The following CACNG6 variants were observed in gnomAD, a reference collection of about 807,000 sequenced individuals.
The protein encoded by CACNG6 is calcium voltage-gated channel auxiliary subunit gamma 6.
CACNG6 carries 21 observed loss-of-function variants against 23.9 expected under a neutral mutation model. The observed-to-expected ratio is 0.88, with a 90% CI of 0.62 to 1.26. The LOEUF (loss-of-function observed/expected upper bound fraction) is 1.26, where lower values mean the gene tolerates loss of function less well. Ranked by LOEUF, CACNG6 falls within the 50% of genes most tolerant of loss-of-function variation. The pLI, the probability that CACNG6 is intolerant of heterozygous loss-of-function variation, is 0.00. For missense variants in CACNG6, 340 were observed against 352.9 expected (o/e 0.96, Z 0.29); for synonymous variants, 182 against 168.9 (o/e 1.08, Z -0.60).
At chr19:54,011,227 T>TATATACAC (rs1442985544) in intron 3 of CACNG6, among the ~76,000 whole-genome samples, 2 of 95,286 alleles carry the variant, frequency 2.1e-5, no homozygotes, top group African/African-American at 1.2e-4. Flanking sequence ...TATATATATA[T>TATATACAC]ACACACACAC....
At chr19:54,003,580 C>T (rs769266314) in intron 3 of CACNG6, among the ~76,000 whole-genome samples, 2 of 151,974 alleles carry the variant, frequency 1.3e-5, no homozygotes, top group Non-Finnish European at 2.9e-5. Context: ...AGGCTGGTCT[C>T]GAACTCCTGA....
chr19:54,009,875 G>A (rs1451884547), intron 3 of CACNG6, among the ~76,000 whole-genome samples: 1 of 149,716 alleles, frequency 6.7e-6, no homozygotes, highest in Non-Finnish European at 1.5e-5. Context: ...GCAGTGAGCC[G>A]AGATTGCCAC....
intron 3 of CACNG6, among the ~76,000 whole-genome samples, chr19:54,005,263 A>G (rs287139): frequency 5.4e-5 from 8 of 147,154 alleles, no homozygotes; most frequent in East Asian, 2.0e-4. Context: ...TAATAAAAGA[A>G]AGAGCACGTG....
intron 3 of CACNG6, among the ~76,000 whole-genome samples, chr19:54,006,207 CTGCT>C (rs1271950074): frequency 2.0e-5 from 3 of 151,988 alleles, no homozygotes; most frequent in Non-Finnish European, 2.9e-5. Context: ...CTGAAATTCT[CTGCT>C]TATTTATGCC....
rs1212993760 is a variant in CACNG6, at chr19:54,010,952, T to G, written c.545-999T>G. 2.6e-5 allele frequency among the ~76,000 whole-genome samples: 4 copies of G among 151,798 alleles called. No individual in the cohort carries two copies. In the Admixed American group the frequency reaches 2.6e-4, roughly 10 times the overall value. ...GGAAACAGAAGGATGGTTTGATGCA[T>G]GTAAACAATGCATAATGATCAGATC... On this transcript the variant is annotated intron_variant, in intron 3 of 3. Transcript: ENST00000252729.
chr19:53,996,025 T>G (rs1490130841), intron 1 of CACNG6, among the ~76,000 whole-genome samples: 1 of 152,158 alleles, frequency 6.6e-6, no homozygotes, highest in African/African-American at 2.4e-5. Context: ...TGGCCGGACA[T>G]CTCACCCCTT....
intron 3 of CACNG6, among the ~76,000 whole-genome samples, chr19:54,009,957 A>C (rs754727146): frequency 6.6e-6 from 1 of 151,736 alleles, no homozygotes; most frequent in Non-Finnish European, 1.5e-5. Flanking sequence ...ATTGCATTGC[A>C]ATATGACTTT....
chr19:53,993,946 A>G (rs1600052530), intron 1 of CACNG6, among the ~76,000 whole-genome samples: 1 of 151,748 alleles, frequency 6.6e-6, no homozygotes, highest in East Asian at 1.9e-4. Flanking sequence ...GTGTCCCCAG[A>G]CCCAGCCTGT....
intron 3 of CACNG6, among the ~76,000 whole-genome samples, chr19:54,011,205 A>AAAAT (rs58054808): frequency 2.0e-5 from 2 of 102,544 alleles, no homozygotes; most frequent in South Asian, 2.9e-4. Flanking sequence ...AAAAAAAAAA[A>AAAAT]ATATATATAT....
In CACNG6 at chr19:54,012,244, G is replaced by A; in HGVS notation, c.*55G>A. On this transcript the variant is annotated 3_prime_UTR_variant, in exon 4 of 4. Coordinates refer to ENST00000252729, the MANE Select transcript of CACNG6 (RefSeq NM_145814.2). ...ACCGAGCCCTTTGACCTTCTCCATT[G>A]TACCCCCAAGATCTTTTTGCCCCAT... 1 of 773,492 alleles carries A rather than the reference G, an allele frequency of 1.3e-6. No individual in the cohort carries two copies. The highest frequency in any genetic ancestry group is 1.9e-6 in the Non-Finnish European group (1 of 519,830). 47.9% of individuals were successfully genotyped at this position (773,492 alleles called of 1,614,324 possible). A position where few individuals can be genotyped will look rare whatever the true frequency, so the allele number is the denominator to read the frequency against.
At chr19:53,995,610 A>G (rs943935268) in intron 1 of CACNG6, among the ~76,000 whole-genome samples, 2 of 152,198 alleles carry the variant, frequency 1.3e-5, no homozygotes, top group Non-Finnish European at 2.9e-5. Flanking sequence ...GTTTCCCGCA[A>G]TGACTGCTTC....
intron 1 of CACNG6, among the ~76,000 whole-genome samples, chr19:53,995,955 C>T (rs1468295974): frequency 6.6e-6 from 1 of 152,204 alleles, no homozygotes; most frequent in East Asian, 1.9e-4. Context: ...AGCCACCACG[C>T]GCAGCCCAGC....
At chr19:54,005,263 A>AAG (rs74177838) in intron 3 of CACNG6, among the ~76,000 whole-genome samples, 1 of 147,154 alleles carries the variant, frequency 6.8e-6, no homozygotes, top group Non-Finnish European at 1.5e-5. Flanking sequence ...TAATAAAAGA[A>AAG]AGAGCACGTG....
rs776514934 is a variant in CACNG6, at chr19:53,993,037, G to T, written c.160G>T (p.Val54Leu). Reference protein sequence around the residue: ...LLAAVGATLAVLSVGTEFWVE... With the variant: ...LLAAVGATLALLSVGTEFWVE... ...GGCCGCCGTGGGCGCCACGCTGGCG[G>T]TGCTGTCCGTGGGCACCGAGTTCTG... The change falls in exon 1 of 4, where the codon GTG becomes TTG. Residue 54 changes from valine (V) to leucine (L), a missense_variant. Coordinates refer to ENST00000252729, the MANE Select transcript of CACNG6 (RefSeq NM_145814.2). 2.0e-6 allele frequency: 3 copies of T among 1,488,950 alleles called. No homozygotes were observed. The highest frequency in any genetic ancestry group is 2.6e-5 in the South Asian group (2 of 76,202). 92.2% of individuals were successfully genotyped at this position (1,488,950 alleles called of 1,614,324 possible). A position where few individuals can be genotyped will look rare whatever the true frequency, so the allele number is the denominator to read the frequency against.
At chr19:53,996,077 C>G (rs1320879201) in intron 1 of CACNG6, among the ~76,000 whole-genome samples, 1 of 152,260 alleles carries the variant, frequency 6.6e-6, no homozygotes, top group Non-Finnish European at 1.5e-5. Flanking sequence ...GCCCACACCA[C>G]CTCACCTGAC....
chr19:54,001,219 G>C lies in CACNG6; in HGVS notation c.544+1448G>C, dbSNP rs549600712. On this transcript the variant is annotated intron_variant, in intron 3 of 3. Transcript: ENST00000252729. ...TTTTTTTTTTTTGAGACAGAGTTTC[G>C]CTCTTGTTGCCCACGCTGGAGTGCA... 2.4e-4 allele frequency among the ~76,000 whole-genome samples: 34 copies of C among 142,302 alleles called. 3 individuals are homozygous for C. The highest frequency in any genetic ancestry group is 9.1e-4 in the African/African-American group (34 of 37,288). The allele number at this position is 142,302 out of a possible 152,430, so 93.4% of individuals were successfully genotyped here.
At chr19:54,008,689 T>A (rs1227861433) in intron 3 of CACNG6, among the ~76,000 whole-genome samples, 1 of 152,234 alleles carries the variant, frequency 6.6e-6, no homozygotes, top group Non-Finnish European at 1.5e-5. Context: ...CAGCCGTTGC[T>A]TCGTTTTGAG....
chr19:54,010,737 G>C (rs1486153366), intron 3 of CACNG6, among the ~76,000 whole-genome samples: 1 of 151,734 alleles, frequency 6.6e-6, no homozygotes, highest in Admixed American at 6.6e-5. Context: ...ACCACACCTG[G>C]CTAATTTTTT....
chr19:53,991,273 T>A (rs2069455489), upstream of CACNG6, among the ~76,000 whole-genome samples: 1 of 147,124 alleles, frequency 6.8e-6, no homozygotes, highest in South Asian at 2.2e-4. Context: ...CCAAGACTCC[T>A]GGCCTCAGGC....
Sources: gnomAD v4.1 joint callset for allele counts (sites outside exome capture counted in the v4.1 genomes callset) on GRCh38, gnomAD v4.1.1 for gene constraint, MANE v1.5 for transcripts, NCBI Gene and HGNC (gene_info 2026-07-23, HGNC 2026-07-21) for gene names.